ARHGAP10: variants seen among roughly 807,000 people sequenced by gnomAD.
ARHGAP10 encodes rho GTPase-activating protein 10.
A neutral mutation model predicts 108.6 loss-of-function variants in ARHGAP10; 87 were observed. That is an observed-to-expected ratio of 0.80 (90% CI 0.67 to 0.96). The LOEUF (loss-of-function observed/expected upper bound fraction) is 0.96, where lower values mean the gene tolerates loss of function less well. Among genes scored for constraint, ARHGAP10 ranks in the 40% least tolerant of loss-of-function variants. The pLI is 0.00. For synonymous variants in ARHGAP10, 347 were observed against 341.1 expected, an observed-to-expected ratio of 1.02 and a Z score of -0.19; for missense variants, 939 against 954.5, an observed-to-expected ratio of 0.98 and a Z score of 0.21.
At chr4:147,885,657 T>C (rs1249532572) in intron 10 of ARHGAP10, among the ~76,000 whole-genome samples, 1 of 152,204 alleles carries the variant, frequency 6.6e-6, no homozygotes, top group South Asian at 2.1e-4. Context: ...TTATTCACGT[T>C]TGACCTCCTG....
intron 20 of ARHGAP10, among the ~76,000 whole-genome samples, chr4:148,062,921 G>A (rs1299418220): frequency 6.6e-6 from 1 of 152,094 alleles, no homozygotes; most frequent in Admixed American, 6.6e-5. Context: ...GGAGAACCTG[G>A]AGAAGGACAG....
At chr4:147,921,882 A>G (rs1176111952) in intron 13 of ARHGAP10, among the ~76,000 whole-genome samples, 1 of 151,870 alleles carries the variant, frequency 6.6e-6, no homozygotes, top group Admixed American at 6.6e-5. Flanking sequence ...CCTTTCCTCC[A>G]CTGTCTTGGT....
intron 1 of ARHGAP10, among the ~76,000 whole-genome samples, chr4:147,775,882 T>C (rs1730269085): frequency 1.3e-5 from 2 of 152,166 alleles, no homozygotes; most frequent in Non-Finnish European, 2.9e-5. Flanking sequence ...TGTCATGAGA[T>C]ATAATGTATG....
chr4:147,919,329 TA>T (rs1389404151), intron 13 of ARHGAP10, among the ~76,000 whole-genome samples: 1 of 152,250 alleles, frequency 6.6e-6, no homozygotes, highest in Non-Finnish European at 1.5e-5. Context: ...TTTGCTACAG[TA>T]TCAGCATAAA....
intron 19 of ARHGAP10, among the ~76,000 whole-genome samples, chr4:148,044,276 A>C (rs1426711382): frequency 6.6e-6 from 1 of 152,134 alleles, no homozygotes; most frequent in Non-Finnish European, 1.5e-5. Flanking sequence ...ATCTTTCAAA[A>C]GTAACATTAA....
chr4:147,937,047 C>T lies in ARHGAP10; in HGVS notation c.1229-2778C>T, dbSNP rs998217269. Among the ~76,000 whole-genome samples the T allele has an allele frequency of 3.9e-5, 6 of 152,322 alleles. No homozygotes were observed. In the South Asian group the frequency reaches 1.2e-3, roughly 32 times the overall value. On this transcript the variant is annotated intron_variant, in intron 13 of 22. Transcript: ENST00000336498. ...AGAATCTAATAATAAATGTAATGCT[C>T]TTGAATCATTCTGAAACCATCCCCC... is the stretch of plus-strand genomic sequence containing the variant.
intron 19 of ARHGAP10, among the ~76,000 whole-genome samples, chr4:148,029,075 TGG>T (rs1728015194): frequency 6.6e-6 from 1 of 152,174 alleles, no homozygotes; most frequent in African/African-American, 2.4e-5. Flanking sequence ...TAGTAAAAAA[TGG>T]TGTAGAATGT....
chr4:147,904,825 T>A (rs896376711), intron 10 of ARHGAP10, among the ~76,000 whole-genome samples: 15 of 152,194 alleles, frequency 9.9e-5, no homozygotes, highest in Non-Finnish European at 1.9e-4. Flanking sequence ...CCACAATGGT[T>A]GAACTAGTTT....
At chr4:147,867,267 AT>A (rs2126848571) in intron 7 of ARHGAP10, among the ~76,000 whole-genome samples, 1 of 152,246 alleles carries the variant, frequency 6.6e-6, no homozygotes, top group East Asian at 1.9e-4. Flanking sequence ...GGTCTTGAAT[AT>A]TTTCCTTTGG....
At chr4:147,942,708 TAGAG>T (rs1738204969) in intron 14 of ARHGAP10, among the ~76,000 whole-genome samples, 1 of 152,300 alleles carries the variant, frequency 6.6e-6, no homozygotes, top group South Asian at 2.1e-4. Context: ...ACTGTCTAAA[TAGAG>T]AGGCAGTTAT....
intron 18 of ARHGAP10, among the ~76,000 whole-genome samples, chr4:148,005,893 G>A (rs1174774129): frequency 6.6e-6 from 1 of 152,226 alleles, no homozygotes; most frequent in African/African-American, 2.4e-5. Flanking sequence ...TTTTACTCAT[G>A]CAAATTACCG....
chr4:147,941,971 G>A (rs765766093), intron 14 of ARHGAP10, among the ~76,000 whole-genome samples: 2 of 151,494 alleles, frequency 1.3e-5, no homozygotes, highest in Admixed American at 6.6e-5. Flanking sequence ...ATAATTTAAC[G>A]CCTCTTCCAA....
intron 10 of ARHGAP10, among the ~76,000 whole-genome samples, chr4:147,886,373 G>A (rs939114714): frequency 6.6e-6 from 1 of 152,068 alleles, no homozygotes; most frequent in Admixed American, 6.5e-5. Context: ...ATTCTCTCCG[G>A]TGTTCATTCC....
chr4:147,851,298 A>C (rs1202856540), intron 4 of ARHGAP10, among the ~76,000 whole-genome samples: 1 of 151,574 alleles, frequency 6.6e-6, no homozygotes, highest in Non-Finnish European at 1.5e-5. Context: ...TCTGTTGTCC[A>C]GGCTGGGCAG....
intron 13 of ARHGAP10, among the ~76,000 whole-genome samples, chr4:147,919,146 A>G (rs964741049): frequency 6.6e-6 from 1 of 152,258 alleles, no homozygotes; most frequent in Non-Finnish European, 1.5e-5. Context: ...AAGGCTTCAG[A>G]CAAATGTCTA....
intron 1 of ARHGAP10, among the ~76,000 whole-genome samples, chr4:147,821,559 A>G (rs1469924208): frequency 6.6e-6 from 1 of 152,210 alleles, no homozygotes; most frequent in Non-Finnish European, 1.5e-5. Flanking sequence ...TAGAGGAAAA[A>G]TGAAGTTTCA....
intron 18 of ARHGAP10, among the ~76,000 whole-genome samples, chr4:147,970,690 C>G (rs942583704): frequency 6.6e-6 from 1 of 152,300 alleles, no homozygotes. Context: ...CCTAGTTAAT[C>G]TGCTTTGGAG....
intron 4 of ARHGAP10, among the ~76,000 whole-genome samples, chr4:147,849,845 C>T (rs929559801): frequency 6.6e-6 from 1 of 152,178 alleles, no homozygotes; most frequent in Non-Finnish European, 1.5e-5. Flanking sequence ...TTGGACGTAT[C>T]CCTCCATTTT....
chr4:147,957,251 T>G (rs1166736163), intron 16 of ARHGAP10, among the ~76,000 whole-genome samples: 1 of 152,190 alleles, frequency 6.6e-6, no homozygotes, highest in Non-Finnish European at 1.5e-5. Context: ...AAAAAGTACA[T>G]GTACTAAATG....
Sources: allele counts gnomAD v4.1 joint callset (sites outside exome capture counted in the v4.1 genomes callset), GRCh38; gene constraint gnomAD v4.1.1; transcripts MANE v1.5; gene names NCBI Gene and HGNC (gene_info 2026-07-23, HGNC 2026-07-21).